The following ARL15 variants were observed in gnomAD, a reference collection of about 807,000 sequenced individuals.
The protein encoded by ARL15 is ADP-ribosylation factor-like protein 15.
A neutral mutation model predicts 25.2 loss-of-function variants in ARL15; 19 were observed. The ratio of observed to expected loss-of-function variants is 0.75; its 90% CI spans 0.53 to 1.10. ARL15 has a LOEUF of 1.10. ARL15 is among the 50% of genes least tolerant of loss of function. ARL15 has a pLI of 0.00. For synonymous variants in ARL15, 94 were observed against 86.8 expected (o/e 1.08, Z -0.46); for missense variants, 220 against 246.0 (o/e 0.89, Z 0.71).
At chr5:54,180,285 T>C (rs1243996749) in intron 1 of ARL15, among the ~76,000 whole-genome samples, 3 of 152,200 alleles carry the variant, frequency 2.0e-5, no homozygotes, top group African/African-American at 7.2e-5. Flanking sequence ...GGAGAAGGTC[T>C]ATAATGAGCA....
At chr5:54,109,340 GT>G (rs1164774955) in intron 4 of ARL15, among the ~76,000 whole-genome samples, 22 of 151,920 alleles carry the variant, frequency 1.4e-4, no homozygotes, top group African/African-American at 5.1e-4. Flanking sequence ...TTCTGAAAAA[GT>G]TAAATACTTT....
At chr5:54,278,826 C>T (rs781032350) in intron 1 of ARL15, among the ~76,000 whole-genome samples, 6 of 152,130 alleles carry the variant, frequency 3.9e-5, no homozygotes, top group Non-Finnish European at 7.3e-5. Flanking sequence ...GAAAGGTGGA[C>T]GGCATGCACT....
At chr5:54,248,554 CTT>C (rs1176438425) in intron 1 of ARL15, among the ~76,000 whole-genome samples, 2 of 152,228 alleles carry the variant, frequency 1.3e-5, no homozygotes, top group Admixed American at 6.5e-5. Flanking sequence ...CCCATACACT[CTT>C]TTTTCTCACT....
At chr5:54,193,558 A>G (rs777366773) in intron 1 of ARL15, among the ~76,000 whole-genome samples, 1 of 152,092 alleles carries the variant, frequency 6.6e-6, no homozygotes, top group Non-Finnish European at 1.5e-5. Flanking sequence ...TAGGTTGCTT[A>G]TGAGAATCTA....
At chr5:54,070,119 G>A (rs1447618891) in intron 4 of ARL15, among the ~76,000 whole-genome samples, 1 of 151,160 alleles carries the variant, frequency 6.6e-6, no homozygotes. Flanking sequence ...GGCCAGGTGC[G>A]GTGGCTCACG....
chr5:54,020,902 C>T (rs563375768), intron 4 of ARL15, among the ~76,000 whole-genome samples: 4 of 151,866 alleles, frequency 2.6e-5, no homozygotes, highest in African/African-American at 9.7e-5. Context: ...TTGCAGTGAG[C>T]CGAGATAGCA....
chr5:54,166,960 C>T (rs2112387174), intron 2 of ARL15, among the ~76,000 whole-genome samples: 1 of 147,988 alleles, frequency 6.8e-6, no homozygotes, highest in Non-Finnish European at 1.5e-5. Flanking sequence ...AGATGCATTA[C>T]ATTACCAGAC....
chr5:54,239,286 A>T (rs1756892709), intron 1 of ARL15, among the ~76,000 whole-genome samples: 1 of 151,684 alleles, frequency 6.6e-6, no homozygotes, highest in Non-Finnish European at 1.5e-5. Flanking sequence ...ATTGGATTTT[A>T]AAAATGCCAT....
At chr5:54,105,814 C>T (rs1414112270) in intron 4 of ARL15, among the ~76,000 whole-genome samples, 2 of 152,140 alleles carry the variant, frequency 1.3e-5, no homozygotes, top group Non-Finnish European at 2.9e-5. Context: ...AACTCCTGAC[C>T]TCAAGTGATT....
At chr5:54,016,683 C>A (rs1463764737) in intron 4 of ARL15, among the ~76,000 whole-genome samples, 1 of 152,128 alleles carries the variant, frequency 6.6e-6, no homozygotes, top group African/African-American at 2.4e-5. Context: ...AGAAGCTCAT[C>A]ACAGCATGCT....
intron 1 of ARL15, among the ~76,000 whole-genome samples, chr5:54,282,868 G>A (rs1355501217): frequency 2.6e-5 from 4 of 152,162 alleles, no homozygotes; most frequent in Non-Finnish European, 5.9e-5. Flanking sequence ...ACTCAACTTA[G>A]AATTCACAAC....
At chr5:53,940,441 A>C (rs1435599913) in intron 4 of ARL15, among the ~76,000 whole-genome samples, 1 of 152,248 alleles carries the variant, frequency 6.6e-6, no homozygotes, top group African/African-American at 2.4e-5. Context: ...GAAAGAGATT[A>C]AGAGTAGTAA....
rs572550021 is a variant in ARL15 at position 54,128,215 on chromosome 5, T to C, written c.254-14805A>G. 9.2e-5 allele frequency among the ~76,000 whole-genome samples: 14 copies of C among 152,318 alleles called. No homozygotes were observed. In the South Asian group the frequency reaches 2.7e-3, roughly 29 times the overall value. ...CCTTGTGAAGCCTTCCTTAATTTTA[T>C]TTTTTATAAGACTACTTTCTCTATC... On this transcript the variant is annotated intron_variant, in intron 3 of 4. Transcript: ENST00000504924.
intron 1 of ARL15, among the ~76,000 whole-genome samples, chr5:54,256,843 T>C (rs1388911122): frequency 1.3e-5 from 2 of 152,048 alleles, no homozygotes; most frequent in East Asian, 3.9e-4. Flanking sequence ...AAAAACATGA[T>C]CATCTCAATA....
At chr5:54,187,152 C>A (rs1755263599) in intron 1 of ARL15, among the ~76,000 whole-genome samples, 1 of 152,162 alleles carries the variant, frequency 6.6e-6, no homozygotes, top group Non-Finnish European at 1.5e-5. Context: ...CTTATGCTAA[C>A]TGCTTGCCAC....
At chr5:53,893,076 A>G (rs1657049795) in intron 4 of ARL15, among the ~76,000 whole-genome samples, 1 of 152,150 alleles carries the variant, frequency 6.6e-6, no homozygotes, top group African/African-American at 2.4e-5. Context: ...ACTAGAGTAG[A>G]TAGACCTATT....
At chr5:54,060,283 G>C (rs1408275404) in intron 4 of ARL15, among the ~76,000 whole-genome samples, 4 of 152,014 alleles carry the variant, frequency 2.6e-5, no homozygotes, top group African/African-American at 7.2e-5. Flanking sequence ...ACAAAAATTA[G>C]ATGGGCATGG....
chr5:53,945,286 C>T (rs376648979), intron 4 of ARL15, among the ~76,000 whole-genome samples: 1 of 152,178 alleles, frequency 6.6e-6, no homozygotes, highest in African/African-American at 2.4e-5. Flanking sequence ...ACTGTGAACA[C>T]GGACATGTTT....
chr5:54,004,810 A>C (rs4588541), intron 4 of ARL15, among the ~76,000 whole-genome samples: 2 of 151,540 alleles, frequency 1.3e-5, no homozygotes, highest in Middle Eastern at 3.4e-3. Flanking sequence ...TGTGTGTGTA[A>C]GAGGGGTTAT....
Sources: gnomAD v4.1 joint callset for allele counts (sites outside exome capture counted in the v4.1 genomes callset) on GRCh38, gnomAD v4.1.1 for gene constraint, MANE v1.5 for transcripts, NCBI Gene and HGNC (gene_info 2026-07-23, HGNC 2026-07-21) for gene names.